Variants in KLRG1 observed in about 807,000 individuals in gnomAD.
The protein encoded by KLRG1 is killer cell lectin like receptor G1.
A neutral mutation model predicts 21.8 loss-of-function variants in KLRG1; 16 were observed. The ratio of observed to expected loss-of-function variants is 0.73; its 90% CI spans 0.50 to 1.11. KLRG1 has a LOEUF of 1.11. Ranked by LOEUF, KLRG1 falls within the 50% of genes most tolerant of loss-of-function variation. The pLI, the probability that KLRG1 is intolerant of heterozygous loss-of-function variation, is 0.00. For missense variants in KLRG1, 173 were observed against 218.3 expected (o/e 0.79, Z 1.31); for synonymous variants, 69 against 75.9 (o/e 0.91, Z 0.47).
At chr12:9,153,271 G>C in the KLRG1 span, 2 of 1,614,166 alleles carry the variant, frequency 1.2e-6, no homozygotes, top group East Asian at 4.5e-5. Flanking sequence ...ACGGTGACCT[G>C]TGCAGTTTTC....
At chr12:9,097,781 C>T in the KLRG1 span, among the ~76,000 whole-genome samples, 22 of 151,984 alleles carry the variant, frequency 1.4e-4, no homozygotes, top group African/African-American at 4.8e-4. Flanking sequence ...GACAGGCGCC[C>T]GCCACCACGT....
the KLRG1 span, among the ~76,000 whole-genome samples, chr12:9,164,658 T>C: frequency 2.0e-5 from 3 of 152,194 alleles, no homozygotes; most frequent in Non-Finnish European, 4.4e-5. Context: ...ACACTGGGAA[T>C]GGTAGATGAG....
At chr12:8,961,668 G>A (rs1312240187) in intron 1 of KLRG1, among the ~76,000 whole-genome samples, 2 of 151,954 alleles carry the variant, frequency 1.3e-5, no homozygotes, top group Admixed American at 6.6e-5. Context: ...TGATCTGTCT[G>A]CCTCGGCCTC....
the KLRG1 span, among the ~76,000 whole-genome samples, chr12:9,143,685 G>C: frequency 6.6e-6 from 1 of 152,070 alleles, no homozygotes; most frequent in Non-Finnish European, 1.5e-5. Flanking sequence ...AAAATCAAAG[G>C]TGCCATTTTC....
the KLRG1 span, among the ~76,000 whole-genome samples, chr12:9,197,548 TTAA>T: frequency 4.7e-4 from 56 of 120,126 alleles, no homozygotes; most frequent in Middle Eastern, 8.3e-3. Flanking sequence ...AGAGTACTGA[TTAA>T]TAATATATAA....
At chr12:8,973,158 CAAAAGAAAAA>C (rs1565539534) in intron 1 of KLRG1, among the ~76,000 whole-genome samples, 1 of 23,406 alleles carries the variant, frequency 4.3e-5, no homozygotes, top group South Asian at 1.6e-3. Flanking sequence ...GACTCCATCT[CAAAAGAAAAA>C]AAAAAAAAAA....
In KLRG1 at chr12:8,965,748, A is replaced by G. The variant is rs758659104; in HGVS notation, c.-156+15512A>G. ...GGGTAGGAAGAATCAATATCGTGAA[A>G]ATGGCCATACTGCCCAAGGTAATTT... On this transcript the variant is annotated intron_variant, in intron 1 of 4. Coordinates refer to the KLRG1 transcript ENST00000539240. 2.0e-4 allele frequency among the ~76,000 whole-genome samples: 31 copies of G among 152,326 alleles called. No homozygotes were observed. In the South Asian group the frequency reaches 3.7e-3, roughly 18 times the overall value.
At chr12:8,971,114 AT>A (rs1362399814) in intron 1 of KLRG1, 1 of 152,172 alleles carries the variant, frequency 6.6e-6, no homozygotes, top group Non-Finnish European at 1.5e-5. Flanking sequence ...CCTAAACCAA[AT>A]TGGGAGAGTG....
At chr12:9,031,634 G>A in the KLRG1 span, among the ~76,000 whole-genome samples, 2 of 152,184 alleles carry the variant, frequency 1.3e-5, no homozygotes, top group Non-Finnish European at 2.9e-5. Flanking sequence ...CATGGCCCAC[G>A]ACGCAGCCCT....
At chr12:9,194,959 G>C in the KLRG1 span, among the ~76,000 whole-genome samples, 1 of 152,024 alleles carries the variant, frequency 6.6e-6, no homozygotes, top group Non-Finnish European at 1.5e-5. Flanking sequence ...CATTAAAAGG[G>C]GGATAATAGT....
rs61263683 is a variant in KLRG1, at chr12:8,955,375, ATTTTTTTTTTTTTTTTTTTT to A, written c.-156+5157_-156+5176del. Among the ~76,000 whole-genome samples, 60 of 71,334 alleles carry A rather than the reference ATTTTTTTTTTTTTTTTTTTT, an allele frequency of 8.4e-4. 1 individual carries two copies. Among genetic ancestry groups the A allele is most frequent in the East Asian group, 2.8e-3 (3 of 1,088 alleles). 46.8% of individuals were successfully genotyped at this position (71,334 alleles called of 152,430 possible). A position where few individuals can be genotyped will look rare whatever the true frequency, so the allele number is the denominator to read the frequency against. ...AGTCCTAGAGGCAACTATTGCTCTG[ATTTTTTTTTTTTTTTTTTTT>A]TTTTTTTTTTTTTTTTTGAGATAGA... On this transcript the variant is annotated intron_variant, in intron 1 of 4. Transcript: ENST00000539240.
At chr12:9,202,217 A>T in the KLRG1 span, 1 of 1,085,316 alleles carries the variant, frequency 9.2e-7, no homozygotes, top group East Asian at 2.4e-5. Flanking sequence ...GTTCAAAAAC[A>T]AGTGTCTTTC....
chr12:9,158,295 C>G, the KLRG1 span: 3 of 1,362,774 alleles, frequency 2.2e-6, no homozygotes, highest in Non-Finnish European at 3.0e-6. Context: ...TACTCTTTCC[C>G]TGATGCCATC....
chr12:9,106,744 T>C, the KLRG1 span: 1 of 466,424 alleles, frequency 2.1e-6, no homozygotes, highest in East Asian at 3.1e-5. Flanking sequence ...ATAAATATTC[T>C]CTAGCAACTA....
the KLRG1 span, chr12:9,070,442 A>G: frequency 7.9e-7 from 1 of 1,259,976 alleles, no homozygotes; most frequent in Non-Finnish European, 1.2e-6. Flanking sequence ...GGGGATACAT[A>G]CATCATTAAA....
At chr12:8,980,290 T>C (rs368443982) in intron 1 of KLRG1, among the ~76,000 whole-genome samples, 4 of 152,008 alleles carry the variant, frequency 2.6e-5, no homozygotes, top group African/African-American at 9.7e-5. Context: ...GTTAATATAT[T>C]GTTTCTGATA....
At chr12:9,167,735 T>C in the KLRG1 span, among the ~76,000 whole-genome samples, 4 of 152,314 alleles carry the variant, frequency 2.6e-5, 1 homozygote, top group East Asian at 7.7e-4. Flanking sequence ...TTTTAGAAGC[T>C]CTTTTTTTCC....
At chr12:9,078,506 T>C in the KLRG1 span, among the ~76,000 whole-genome samples, 28 of 152,360 alleles carry the variant, frequency 1.8e-4, no homozygotes, top group African/African-American at 6.5e-4. Flanking sequence ...AACATACATG[T>C]GCATGTGTCA....
the KLRG1 span, among the ~76,000 whole-genome samples, chr12:9,179,779 G>A: frequency 6.6e-6 from 1 of 152,204 alleles, no homozygotes; most frequent in Non-Finnish European, 1.5e-5. Context: ...CTATCACGTA[G>A]GTGGGGAATC....
Sources: allele counts gnomAD v4.1 joint callset (sites outside exome capture counted in the v4.1 genomes callset), GRCh38; gene constraint gnomAD v4.1.1; transcripts MANE v1.5; gene names NCBI Gene and HGNC (gene_info 2026-07-23, HGNC 2026-07-21).